CAMTA1: variants seen among roughly 807,000 people sequenced by gnomAD.
CAMTA1 encodes calmodulin binding transcription activator 1, also known as calmodulin-binding transcription activator 1.
A neutral mutation model predicts 170.9 loss-of-function variants in CAMTA1; 27 were observed. That is an observed-to-expected ratio of 0.16 (90% CI 0.12 to 0.22). The LOEUF is 0.22. Ranked by LOEUF, CAMTA1 falls within the 10% of genes least tolerant of loss-of-function variation. CAMTA1 has a pLI of 1.00. For missense variants in CAMTA1, 1,619 were observed against 2,217.2 expected, an observed-to-expected ratio of 0.73 and a Z score of 5.42; for synonymous variants, 833 against 891.5, an observed-to-expected ratio of 0.93 and a Z score of 1.17.
At chr1:7,188,884 A>T (rs1199074084) in intron 4 of CAMTA1, among the ~76,000 whole-genome samples, 2 of 152,200 alleles carry the variant, frequency 1.3e-5, no homozygotes, top group African/African-American at 4.8e-5. Context: ...TGGAACCATT[A>T]TACCATTTTC....
chr1:6,869,245 G>A (rs1472218404), intron 3 of CAMTA1, among the ~76,000 whole-genome samples: 1 of 152,228 alleles, frequency 6.6e-6, no homozygotes, highest in Non-Finnish European at 1.5e-5. Context: ...GCGCCTGGGA[G>A]TGGGGCAGGA....
At chr1:6,859,349 G>A (rs1270924017) in intron 3 of CAMTA1, among the ~76,000 whole-genome samples, 2 of 152,112 alleles carry the variant, frequency 1.3e-5, no homozygotes, top group Non-Finnish European at 2.9e-5. Flanking sequence ...GACATAGCAC[G>A]GGTATGCCAT....
chr1:7,662,837 T>TC (rs942984337), intron 8 of CAMTA1, among the ~76,000 whole-genome samples: 1 of 151,946 alleles, frequency 6.6e-6, no homozygotes, highest in Non-Finnish European at 1.5e-5. Context: ...TTCCATCACC[T>TC]CCCCATTGAC....
chr1:7,071,527 A>G (rs964979660), intron 3 of CAMTA1, among the ~76,000 whole-genome samples: 1 of 152,246 alleles, frequency 6.6e-6, no homozygotes, highest in African/African-American at 2.4e-5. Context: ...TAAACGGACT[A>G]TAGTTTTACA....
At chr1:7,019,101 T>C (rs1477521604) in intron 3 of CAMTA1, among the ~76,000 whole-genome samples, 1 of 151,788 alleles carries the variant, frequency 6.6e-6, no homozygotes, top group Non-Finnish European at 1.5e-5. Context: ...GGCCCGGGAG[T>C]GGAGCGGTGC....
At chr1:7,409,240 A>G (rs1287984169) in intron 5 of CAMTA1, among the ~76,000 whole-genome samples, 1 of 152,216 alleles carries the variant, frequency 6.6e-6, no homozygotes, top group African/African-American at 2.4e-5. Flanking sequence ...GACAGAGCGG[A>G]CCAAGAGGGG....
intron 6 of CAMTA1, among the ~76,000 whole-genome samples, chr1:7,478,456 G>A (rs1419700929): frequency 2.0e-5 from 3 of 152,202 alleles, no homozygotes; most frequent in African/African-American, 7.2e-5. Flanking sequence ...CTGGCCTGCC[G>A]ACGCTCCTCT....
At chr1:7,070,072 C>G (rs973898566) in intron 3 of CAMTA1, among the ~76,000 whole-genome samples, 1 of 152,190 alleles carries the variant, frequency 6.6e-6, no homozygotes, top group Admixed American at 6.5e-5. Context: ...GAAGGATGCA[C>G]CCTTTGCTCT....
At chr1:7,741,380 G>A (rs1159282691) in intron 16 of CAMTA1, among the ~76,000 whole-genome samples, 2 of 151,940 alleles carry the variant, frequency 1.3e-5, no homozygotes, top group East Asian at 1.9e-4. Flanking sequence ...TGGCTAACAC[G>A]GTGAAACCCC....
intron 4 of CAMTA1, among the ~76,000 whole-genome samples, chr1:7,246,601 C>T (rs933099983): frequency 6.6e-6 from 1 of 150,394 alleles, no homozygotes; most frequent in African/African-American, 2.4e-5. Flanking sequence ...GCCCACCTGT[C>T]ATTCGTCCCA....
At chr1:7,326,122 C>T (rs1375919887) in intron 5 of CAMTA1, among the ~76,000 whole-genome samples, 1 of 152,150 alleles carries the variant, frequency 6.6e-6, no homozygotes, top group African/African-American at 2.4e-5. Flanking sequence ...GCCTCCCAAA[C>T]TGTTGGGATT....
At chr1:7,158,670 A>G (rs988877677) in intron 4 of CAMTA1, among the ~76,000 whole-genome samples, 2 of 152,202 alleles carry the variant, frequency 1.3e-5, no homozygotes, top group Non-Finnish European at 2.9e-5. Context: ...GATAGAGCAA[A>G]TATAGCAAGA....
rs928989829 is a variant in CAMTA1, at chr1:7,677,452, G to A, written c.2780-147G>A. 5.7e-5 allele frequency: 54 copies of A among 945,950 alleles called. No homozygotes were observed. In the Middle Eastern group the frequency reaches 1.2e-3, roughly 21 times the overall value. 58.6% of individuals were successfully genotyped at this position (945,950 alleles called of 1,614,324 possible). ...AGAAGCAGCATTGTGTTTGGGCCTC[G>A]AATGAGCAGGCATAGGCTACCATTA... is the stretch of plus-strand genomic sequence containing the variant. On this transcript the variant is annotated intron_variant, in intron 10 of 22. Transcript: ENST00000303635.
Position 7,634,694 on chromosome 1 carries a change from G to A in CAMTA1, c.511-5706G>A, listed in dbSNP as rs533437003. On this transcript the variant is annotated intron_variant, in intron 6 of 22. Coordinates refer to ENST00000303635, the MANE Select transcript of CAMTA1 (RefSeq NM_015215.4). The surrounding 1 kb of genome is among the most constrained non-coding windows in gnomAD (Gnocchi z 6.2). The stretch of plus-strand genomic sequence containing the variant: ...AGAGCTGGGACAGGCTGGGGCTGCC[G>A]GAGGAGGAAGGGGGCTCTAAGCAGC... Among the ~76,000 whole-genome samples, 182 of 152,284 alleles carry A rather than the reference G, an allele frequency of 1.2e-3. No homozygotes were observed. The highest frequency in any genetic ancestry group is 3.9e-3 in the African/African-American group (160 of 41,552).
At chr1:7,370,254 T>C (rs1039809202) in intron 5 of CAMTA1, 1 of 152,236 alleles carries the variant, frequency 6.6e-6, no homozygotes, top group Non-Finnish European at 1.5e-5. Context: ...CAGAAGTCAA[T>C]TGACTTAAAC....
At chr1:7,310,578 T>C (rs1050673613) in intron 5 of CAMTA1, among the ~76,000 whole-genome samples, 1 of 124,018 alleles carries the variant, frequency 8.1e-6, no homozygotes, top group Non-Finnish European at 1.7e-5. Context: ...GCTTTCAAGA[T>C]TTTTCTTTTT....
chr1:7,239,623 G>A (rs1664495774), intron 4 of CAMTA1, among the ~76,000 whole-genome samples: 1 of 142,380 alleles, frequency 7.0e-6, no homozygotes, highest in Non-Finnish European at 1.5e-5. Context: ...GTTCTCAATA[G>A]CTTCAAGGTC....
intron 1 of CAMTA1, among the ~76,000 whole-genome samples, chr1:6,785,906 G>T (rs1261917388): frequency 6.7e-6 from 1 of 148,902 alleles, no homozygotes; most frequent in African/African-American, 2.4e-5. Context: ...CCCCCACCCG[G>T]ACCGGGCATC....
Position 7,736,869 on chromosome 1 carries a change from T to C in CAMTA1, c.3264-62T>C. 7.7e-7 allele frequency: 1 copy of C among 1,302,632 alleles called. No homozygotes were observed. Among genetic ancestry groups the C allele is most frequent in the Non-Finnish European group, 1.1e-6 (1 of 911,334 alleles). 80.7% of individuals were successfully genotyped at this position (1,302,632 alleles called of 1,614,324 possible). ...TTCATCTTGGTGGGGTTTTATAATA[T>C]TCTGGTGTTTCCTTTTAACGGTGGT... is the stretch of plus-strand genomic sequence containing the variant. On this transcript the variant is annotated intron_variant, in intron 13 of 22. Transcript: ENST00000303635. This position sits in a 1 kb window ranked among gnomAD's most constrained non-coding sequence, Gnocchi z 4.5.
Sources: allele counts gnomAD v4.1 joint callset (sites outside exome capture counted in the v4.1 genomes callset), GRCh38; gene constraint gnomAD v4.1.1; non-coding constraint Gnocchi (gnomAD v3.1); transcripts MANE v1.5; gene names NCBI Gene and HGNC (gene_info 2026-07-23, HGNC 2026-07-21).